DDX23: variants seen among roughly 807,000 people sequenced by gnomAD.
DDX23 encodes DEAD-box helicase 23.
In DDX23, 33 loss-of-function variants were observed where a neutral mutation model predicts 102.7. The ratio of observed to expected loss-of-function variants is 0.32; its 90% CI spans 0.24 to 0.43. The LOEUF (loss-of-function observed/expected upper bound fraction) is 0.43. DDX23 is among the 20% of genes least tolerant of loss of function. The pLI, the probability that DDX23 is intolerant of heterozygous loss-of-function variation, is 1.00. For missense variants in DDX23, 549 were observed against 1,086.6 expected (o/e 0.51, Z 6.96); for synonymous variants, 352 against 376.0 (o/e 0.94, Z 0.74).
chr12:48,836,875 C>T lies in DDX23; in HGVS notation c.1010+19G>A. ...GAGCCTCTGGGCTCTGTCCAGCCAC[C>T]CTAGCCTTGATCACTCACTCCTCCT... is the stretch of plus-strand genomic sequence containing the variant. On this transcript the variant is annotated intron_variant, in intron 9 of 16. Coordinates refer to ENST00000308025, the MANE Select transcript of DDX23 (RefSeq NM_004818.3). This position sits in a 1 kb window ranked among gnomAD's most constrained non-coding sequence, Gnocchi z 6.1. 1 of 1,613,918 alleles carries T rather than the reference C, an allele frequency of 6.2e-7. No individual in the cohort carries two copies. Among genetic ancestry groups the T allele is most frequent in the Non-Finnish European group, 8.5e-7 (1 of 1,180,014 alleles).
intron 15 of DDX23, among the ~76,000 whole-genome samples, 193 bp from the exon 16 acceptor site, chr12:48,831,509 GGT>G (rs771406736): frequency 2.6e-5 from 4 of 152,178 alleles, no homozygotes; most frequent in Non-Finnish European, 5.9e-5. Context: ...GAGAGAAAAA[GGT>G]GTGGTGTGGC....
intron 3 of DDX23, 74 bp downstream of exon 3, chr12:48,843,866 G>T: frequency 1.3e-6 from 2 of 1,520,680 alleles, no homozygotes; most frequent in Non-Finnish European, 9.1e-7. Context: ...ACTTTCATAA[G>T]AAGCTGAGCA....
At chr12:48,841,160 C>T (rs1362424515) in intron 3 of DDX23, among the ~76,000 whole-genome samples, 2 of 151,884 alleles carry the variant, frequency 1.3e-5, no homozygotes, top group Non-Finnish European at 2.9e-5. Context: ...CCGAGGTGGC[C>T]GGATCACCTA....
chr12:48,830,557 G>A lies in DDX23; in HGVS notation c.2375C>T (p.Pro792Leu), dbSNP rs1248766725. 1 of 1,613,708 alleles carries A rather than the reference G, an allele frequency of 6.2e-7. No individual in the cohort carries two copies. The highest frequency in any genetic ancestry group is 8.5e-7 in the Non-Finnish European group (1 of 1,180,028). Residue 792 changes from proline to leucine, a missense_variant, in exon 17 of 17, where the codon CCC (proline) becomes CTC (leucine). This residue lies in a region of DDX23 where 38 missense variants were observed against 94.5 expected (regional missense o/e 0.40). Transcript: ENST00000308025. This position sits in a 1 kb window ranked among gnomAD's most constrained non-coding sequence, Gnocchi z 4.9. ...ATCTGGGTGGTTGGCTAGTTCGGGG[G>A]GACAGGAAGACACTGGGCTTTCCAG... Reference protein sequence around the residue: ...AILESPVSSCPPELANHPDAQ... With the variant: ...AILESPVSSCLPELANHPDAQ...
chr12:48,849,239 G>A (rs1047656672), intron 1 of DDX23, among the ~76,000 whole-genome samples: 1 of 152,100 alleles, frequency 6.6e-6, no homozygotes, highest in Admixed American at 6.5e-5. Context: ...GCTCATGCCT[G>A]TAGTACCAGC....
intron 1 of DDX23, among the ~76,000 whole-genome samples, chr12:48,849,789 G>C (rs983220786): frequency 6.6e-6 from 1 of 152,214 alleles, no homozygotes; most frequent in African/African-American, 2.4e-5. Context: ...AGAGGCCTGG[G>C]AGGAAAATAT....
chr12:48,830,213 C>A lies in DDX23; in HGVS notation c.*256G>T. ...GCATGAGCTGATGGCCCAGTGCAAT[C>A]CCAAAGCAAAGAAGGGCAGAACTGG... is the stretch of plus-strand genomic sequence containing the variant. On this transcript the variant is annotated 3_prime_UTR_variant, in exon 17 of 17. Coordinates refer to ENST00000308025, the MANE Select transcript of DDX23 (RefSeq NM_004818.3). The surrounding 1 kb of genome is among the most constrained non-coding windows in gnomAD (Gnocchi z 4.9). 3 of 616,758 alleles carry A rather than the reference C, an allele frequency of 4.9e-6. No individual in the cohort carries two copies. The highest frequency in any genetic ancestry group is 1.5e-5 in the South Asian group (1 of 66,040). The allele number at this position is 616,758 out of a possible 1,614,324, so 38.2% of individuals were successfully genotyped here.
At chr12:48,833,550 C>T in intron 12 of DDX23, 31 bp from the exon 13 acceptor site, 2 of 1,602,960 alleles carry the variant, frequency 1.2e-6, no homozygotes, top group East Asian at 2.2e-5. Context: ...ATTTATAGCC[C>T]AGCAGGTGCC....
intron 3 of DDX23, among the ~76,000 whole-genome samples, chr12:48,840,698 G>A (rs1013611026): frequency 2.1e-4 from 32 of 151,908 alleles, no homozygotes; most frequent in African/African-American, 7.5e-4. Context: ...GACTACAGGC[G>A]AGTACTGCCA....
chr12:48,836,321 C>T lies in DDX23; in HGVS notation c.1237-55G>A, dbSNP rs1938467530. Reference sequence around the variant, plus strand: ...TACAGGGAGAGTTATACCACCTGGGCAACCACTGATAGTAGTAAGCACATC... The same window carrying T: ...TACAGGGAGAGTTATACCACCTGGGTAACCACTGATAGTAGTAAGCACATC... On this transcript the variant is annotated intron_variant, in intron 10 of 16. Coordinates refer to ENST00000308025, the MANE Select transcript of DDX23 (RefSeq NM_004818.3). This position sits in a 1 kb window ranked among gnomAD's most constrained non-coding sequence, Gnocchi z 6.1. 9 of 1,587,526 alleles carry T rather than the reference C, an allele frequency of 5.7e-6. No individual in the cohort carries two copies. The highest frequency in any genetic ancestry group is 6.9e-6 in the Non-Finnish European group (8 of 1,157,328).
chr12:48,836,792 G>T lies in DDX23; in HGVS notation c.1013C>A (p.Ala338Glu). The change falls in exon 10 of 17, where the codon GCA (alanine) becomes GAA (glutamate). Residue 338 changes from alanine (A) to glutamate (E), a missense_variant and splice_region_variant. Ala to Glu is a moderately radical substitution (Grantham distance 107, BLOSUM62 -1). This residue lies in a region of DDX23 where 270 missense variants were observed against 707.0 expected (regional missense o/e 0.38). Coordinates refer to ENST00000308025, the MANE Select transcript of DDX23 (RefSeq NM_004818.3). This position sits in a 1 kb window ranked among gnomAD's most constrained non-coding sequence, Gnocchi z 6.1. ...CTTCTTACGAAGTTTGCGGAGTCTT[G>T]CCCTGGAGCAGGGTGTGAGGAGTAA... The part of the protein sequence containing the change: ...RTLEEKEQEE[A>E]RLRKLRKKEA... 1.2e-6 allele frequency: 2 copies of T among 1,613,908 alleles called. No homozygotes were observed. Among genetic ancestry groups the T allele is most frequent in the Non-Finnish European group, 1.7e-6 (2 of 1,179,822 alleles).
At chr12:48,840,188 G>A (rs924978734) in intron 3 of DDX23, 82 bp from the exon 4 acceptor site, 2 of 1,114,240 alleles carry the variant, frequency 1.8e-6, no homozygotes, top group Non-Finnish European at 2.8e-6. Flanking sequence ...AAAAGAGAAT[G>A]GAAGTTTCCC....
chr12:48,833,558 G>A (rs1938421882), intron 12 of DDX23, 39 bp from the exon 13 acceptor site: 19 of 1,598,206 alleles, frequency 1.2e-5, no homozygotes, highest in African/African-American at 2.7e-5. Flanking sequence ...CCCAGCAGGT[G>A]CCCCTTCTTT....
Position 48,838,027 on chromosome 12 carries a change from C to T in DDX23, c.534G>A (p.Gln178=). 6.2e-7 allele frequency: 1 copy of T among 1,614,216 alleles called. No homozygotes were observed. Among genetic ancestry groups the T allele is most frequent in the South Asian group, 1.1e-5 (1 of 91,084 alleles). The change falls in exon 6 of 17, where the codon CAG becomes CAA. Residue 178 remains glutamine (Q), a synonymous_variant. Coordinates refer to ENST00000308025, the MANE Select transcript of DDX23 (RefSeq NM_004818.3). ...TCCTCTGCCGCTCTTCCACCTCCTG[C>T]TGCCGTCGCTTTAGAGCTTCAGCCT... The part of the protein sequence containing the change: ...EREAEALKRR[Q]QEVEERQRML...
chr12:48,841,540 C>T (rs866429430), intron 3 of DDX23, among the ~76,000 whole-genome samples: 5 of 152,234 alleles, frequency 3.3e-5, no homozygotes, highest in African/African-American at 4.8e-5. Context: ...GCTGCCATCT[C>T]GGCTCACTGC....
chr12:48,835,602 T>C (rs1440665505), intron 11 of DDX23, among the ~76,000 whole-genome samples: 1 of 152,072 alleles, frequency 6.6e-6, no homozygotes, highest in South Asian at 2.1e-4. Context: ...CCCAGCTACT[T>C]GGGAGGCTGA....
chr12:48,841,636 T>C (rs1224420534), intron 3 of DDX23, among the ~76,000 whole-genome samples: 2 of 152,202 alleles, frequency 1.3e-5, no homozygotes, highest in East Asian at 3.9e-4. Context: ...GGTTTTCGTA[T>C]TTTTTTGGTG....
At chr12:48,850,108 C>T (rs1457352531) in intron 1 of DDX23, among the ~76,000 whole-genome samples, 2 of 152,114 alleles carry the variant, frequency 1.3e-5, no homozygotes, top group Non-Finnish European at 2.9e-5. Flanking sequence ...AAATATATAG[C>T]AGAGAGACAG....
At chr12:48,833,553 C>G (rs1231970970) in intron 12 of DDX23, 34 bp from the exon 13 acceptor site, 2 of 1,601,494 alleles carry the variant, frequency 1.2e-6, no homozygotes, top group Non-Finnish European at 1.7e-6. Flanking sequence ...TATAGCCCAG[C>G]AGGTGCCCCT....
Sources: allele counts gnomAD v4.1 joint callset (sites outside exome capture counted in the v4.1 genomes callset), GRCh38; gene constraint gnomAD v4.1.1; regional missense constraint gnomAD v4.1.1; non-coding constraint Gnocchi (gnomAD v3.1); transcripts MANE v1.5; gene names NCBI Gene and HGNC (gene_info 2026-07-23, HGNC 2026-07-21).